HAPLN1: variants seen among roughly 807,000 people sequenced by gnomAD.
HAPLN1 encodes the protein Cartilage link protein.
Under a neutral mutation model 36.5 loss-of-function variants are expected in HAPLN1, and 13 were observed. The ratio of observed to expected loss-of-function variants is 0.36; its 90% CI spans 0.23 to 0.57. HAPLN1 has a LOEUF of 0.57. HAPLN1 is among the 20% of genes least tolerant of loss of function. The pLI is 0.83. For missense variants in HAPLN1, 407 were observed against 439.7 expected (o/e 0.93, Z 0.66); for synonymous variants, 202 against 169.8 (o/e 1.19, Z -1.48).
intron 1 of HAPLN1, among the ~76,000 whole-genome samples, chr5:83,690,592 G>A (rs1260338940): frequency 6.6e-6 from 1 of 151,798 alleles, no homozygotes; most frequent in Non-Finnish European, 1.5e-5. Context: ...AACATGCTAT[G>A]GTTTATTAAA....
chr5:83,668,693 T>C (rs925960604), intron 2 of HAPLN1, among the ~76,000 whole-genome samples: 4 of 152,350 alleles, frequency 2.6e-5, no homozygotes, highest in Non-Finnish European at 5.9e-5. Context: ...CATTCATTTG[T>C]TCACTCACTT....
intron 1 of HAPLN1, among the ~76,000 whole-genome samples, chr5:83,719,957 G>A (rs1439466316): frequency 6.6e-6 from 1 of 152,160 alleles, no homozygotes; most frequent in Non-Finnish European, 1.5e-5. Context: ...ACTGGCCACT[G>A]TGTGTATTTT....
At chr5:83,696,037 C>T (rs904789406) in intron 1 of HAPLN1, among the ~76,000 whole-genome samples, 1 of 151,882 alleles carries the variant, frequency 6.6e-6, no homozygotes, top group African/African-American at 2.4e-5. Flanking sequence ...AAAAAGTCTA[C>T]AAAAAAGCTA....
chr5:83,680,861 T>C (rs1433019053), intron 1 of HAPLN1, among the ~76,000 whole-genome samples: 1 of 152,136 alleles, frequency 6.6e-6, no homozygotes, highest in East Asian at 1.9e-4. Flanking sequence ...AATCACCTCA[T>C]GAACAATTAT....
chr5:83,702,169 G>T (rs955571462), intron 1 of HAPLN1, among the ~76,000 whole-genome samples: 3 of 152,034 alleles, frequency 2.0e-5, no homozygotes, highest in Non-Finnish European at 4.4e-5. Flanking sequence ...TAGAGGAGTA[G>T]AACTGCATAA....
chr5:83,675,517 T>C (rs1750838052), intron 1 of HAPLN1, among the ~76,000 whole-genome samples: 1 of 152,030 alleles, frequency 6.6e-6, no homozygotes, highest in Admixed American at 6.6e-5. Context: ...TAGGTTAGAG[T>C]TGTTTATCCT....
At chr5:83,688,430 G>T (rs527801047) in intron 1 of HAPLN1, among the ~76,000 whole-genome samples, 1 of 152,162 alleles carries the variant, frequency 6.6e-6, no homozygotes, top group African/African-American at 2.4e-5. Context: ...AATAGATCTG[G>T]CATGAGCTGA....
chr5:83,670,175 G>T (rs967993197), intron 2 of HAPLN1, among the ~76,000 whole-genome samples: 1 of 152,140 alleles, frequency 6.6e-6, no homozygotes, highest in African/African-American at 2.4e-5. Flanking sequence ...CTACACAAAA[G>T]TTTTTGGACC....
chr5:83,680,011 A>G (rs1750961669), intron 1 of HAPLN1, among the ~76,000 whole-genome samples: 1 of 152,198 alleles, frequency 6.6e-6, no homozygotes, highest in Non-Finnish European at 1.5e-5. Context: ...AATATCAATA[A>G]TGCTTGTTTA....
At chr5:83,689,852 T>G (rs1468277140) in intron 1 of HAPLN1, among the ~76,000 whole-genome samples, 1 of 152,136 alleles carries the variant, frequency 6.6e-6, no homozygotes, top group Admixed American at 6.6e-5. Flanking sequence ...CCCAAATATA[T>G]AAACTTAAAA....
chr5:83,648,437 A>ATATATG (rs1334389654), intron 3 of HAPLN1, among the ~76,000 whole-genome samples: 1 of 128,080 alleles, frequency 7.8e-6, no homozygotes, highest in East Asian at 2.4e-4. Context: ...ATATATATAT[A>ATATATG]TGGTTTGAAT....
chr5:83,648,466 ATG>A, intron 3 of HAPLN1, among the ~76,000 whole-genome samples: 1 of 143,572 alleles, frequency 7.0e-6, no homozygotes. Flanking sequence ...GAATAAATAT[ATG>A]TAGTTTGGAT....
chr5:83,675,000 A>G (rs1750828316), intron 1 of HAPLN1, among the ~76,000 whole-genome samples: 1 of 152,194 alleles, frequency 6.6e-6, no homozygotes, highest in Non-Finnish European at 1.5e-5. Context: ...TTTATTTGTC[A>G]AGGAAACCAA....
intron 2 of HAPLN1, among the ~76,000 whole-genome samples, chr5:83,658,398 C>T (rs1445026006): frequency 6.6e-6 from 1 of 152,198 alleles, no homozygotes; most frequent in Non-Finnish European, 1.5e-5. Flanking sequence ...ACTAGTGCTG[C>T]ATACAGCTTG....
Position 83,650,480 on chromosome 5 carries a change from C to T in HAPLN1, c.472+1973G>A, listed in dbSNP as rs549024250. On this transcript the variant is annotated intron_variant, in intron 3 of 4. Transcript: ENST00000274341. Reference sequence around the variant, plus strand: ...TTTCCATCTCATGGCACCAAAACAGCACCTGTAAAAATATGTATCAATTAA... The same window carrying T: ...TTTCCATCTCATGGCACCAAAACAGTACCTGTAAAAATATGTATCAATTAA... Among the ~76,000 whole-genome samples the T allele has an allele frequency of 1.4e-4, 21 of 152,190 alleles. No homozygotes were observed. The East Asian group carries it at 1.9e-3, about 14-fold the overall frequency.
intron 2 of HAPLN1, among the ~76,000 whole-genome samples, chr5:83,671,717 C>G (rs1191310246): frequency 1.3e-5 from 2 of 152,146 alleles, no homozygotes; most frequent in Non-Finnish European, 2.9e-5. Context: ...CATCATAATC[C>G]TATGACCCAA....
chr5:83,677,104 G>T (rs1750878594), intron 1 of HAPLN1, among the ~76,000 whole-genome samples: 1 of 152,168 alleles, frequency 6.6e-6, no homozygotes, highest in Non-Finnish European at 1.5e-5. Context: ...GTAATGGGGA[G>T]ATCAAACCAA....
chr5:83,718,612 T>C (rs1032120155), intron 1 of HAPLN1, among the ~76,000 whole-genome samples: 2 of 152,208 alleles, frequency 1.3e-5, no homozygotes, highest in Non-Finnish European at 2.9e-5. Context: ...AACAGCATTT[T>C]GCTACCTTTA....
Position 83,661,692 on chromosome 5 carries a change from C to T in HAPLN1, c.101-8868G>A, listed in dbSNP as rs1750397981. On this transcript the variant is annotated intron_variant, in intron 2 of 4. Transcript: ENST00000274341. ...ATCCCTGACCTCGTGATCCGCCCGCCTCGGCCTCCCAAAGTGTTGGGATTA... is the reference window on the plus strand; with the variant it reads ...ATCCCTGACCTCGTGATCCGCCCGCTTCGGCCTCCCAAAGTGTTGGGATTA... 2.6e-5 allele frequency among the ~76,000 whole-genome samples: 4 copies of T among 152,096 alleles called. No individual in the cohort carries two copies. In the South Asian group the frequency reaches 8.3e-4, roughly 31 times the overall value.
Sources: gnomAD v4.1 joint callset for allele counts (sites outside exome capture counted in the v4.1 genomes callset) on GRCh38, gnomAD v4.1.1 for gene constraint, MANE v1.5 for transcripts, NCBI Gene and HGNC (gene_info 2026-07-23, HGNC 2026-07-21) for gene names.